Variants in SGCZ observed in about 807,000 individuals in gnomAD.
SGCZ encodes sarcoglycan zeta, also known as zeta-sarcoglycan.
A neutral mutation model predicts 41.3 loss-of-function variants in SGCZ; 40 were observed. The observed-to-expected ratio is 0.97, with a 90% CI of 0.75 to 1.26. SGCZ has a LOEUF of 1.26. Among genes scored for constraint, SGCZ ranks in the 50% most tolerant of loss-of-function variants. SGCZ has a pLI of 0.00. For missense variants in SGCZ, 552 were observed against 369.8 expected, an observed-to-expected ratio of 1.49 and a Z score of -4.04; for synonymous variants, 206 against 137.5, an observed-to-expected ratio of 1.50 and a Z score of -3.49.
chr8:14,511,597 T>A (rs1270416881), intron 2 of SGCZ, among the ~76,000 whole-genome samples: 1 of 152,128 alleles, frequency 6.6e-6, no homozygotes, highest in Non-Finnish European at 1.5e-5. Context: ...TTTTTGGATT[T>A]TATCCTATAT....
At position 14,164,713 on chromosome 8, in the gene SGCZ, A is replaced by G. The variant is rs368611134; in HGVS notation, c.425-11T>C. ...CCACAGCATCAGCTCCTATGGTCAG[A>G]GGAAAGGTTTAAAAATGAAACTGGT... On this transcript the variant is annotated splice_polypyrimidine_tract_variant and intron_variant, in intron 4 of 7. Transcript: ENST00000382080. The G allele has an allele frequency of 2.4e-5, 38 of 1,611,888 alleles. No homozygotes were observed. The highest frequency in any genetic ancestry group is 3.1e-5 in the Non-Finnish European group (37 of 1,179,170).
chr8:14,823,199 G>A (rs550232882), intron 1 of SGCZ, among the ~76,000 whole-genome samples: 2 of 151,414 alleles, frequency 1.3e-5, no homozygotes, highest in South Asian at 4.2e-4. Flanking sequence ...GACTTCAAAA[G>A]CACAGGTAAC....
intron 1 of SGCZ, among the ~76,000 whole-genome samples, chr8:14,746,035 T>C (rs1186523435): frequency 2.6e-5 from 4 of 152,174 alleles, no homozygotes; most frequent in Non-Finnish European, 5.9e-5. Context: ...CAATAAATTA[T>C]ACAGTAAAAG....
intron 1 of SGCZ, among the ~76,000 whole-genome samples, chr8:15,029,550 A>G (rs1281199239): frequency 6.6e-6 from 1 of 152,124 alleles, no homozygotes; most frequent in Non-Finnish European, 1.5e-5. Flanking sequence ...TAGTATGTTA[A>G]CTACAATTTT....
At chr8:14,647,006 C>T (rs545878660) in intron 1 of SGCZ, among the ~76,000 whole-genome samples, 1 of 152,040 alleles carries the variant, frequency 6.6e-6, no homozygotes, top group Non-Finnish European at 1.5e-5. Flanking sequence ...AGAGCTTCCT[C>T]ATGGTCCATA....
chr8:15,212,840 G>T (rs1801277389), intron 1 of SGCZ, among the ~76,000 whole-genome samples: 1 of 152,014 alleles, frequency 6.6e-6, no homozygotes, highest in African/African-American at 2.4e-5. Context: ...ATACTAAAAA[G>T]ACTTCAACAT....
chr8:14,811,382 C>G (rs1801732676), intron 1 of SGCZ, among the ~76,000 whole-genome samples: 1 of 151,824 alleles, frequency 6.6e-6, no homozygotes, highest in Admixed American at 6.6e-5. Flanking sequence ...AGTTAAAAAG[C>G]ATTGCTCTAC....
intron 1 of SGCZ, among the ~76,000 whole-genome samples, chr8:15,058,363 T>C (rs147832410): frequency 7.4e-4 from 112 of 152,252 alleles, no homozygotes; most frequent in African/African-American, 2.5e-3. Context: ...TGAATCACAT[T>C]CTTACATTTA....
chr8:14,762,735 A>G (rs949019911), intron 1 of SGCZ, among the ~76,000 whole-genome samples: 3 of 152,174 alleles, frequency 2.0e-5, no homozygotes, highest in African/African-American at 7.2e-5. Context: ...TGCTGGACAA[A>G]CAAGCATTCA....
intron 1 of SGCZ, among the ~76,000 whole-genome samples, chr8:14,812,381 C>T (rs904646532): frequency 1.3e-5 from 2 of 152,018 alleles, no homozygotes; most frequent in East Asian, 3.9e-4. Context: ...TGAATTGTTA[C>T]ATAAATCTGT....
At chr8:15,103,080 G>T (rs542091554) in intron 1 of SGCZ, among the ~76,000 whole-genome samples, 1 of 152,134 alleles carries the variant, frequency 6.6e-6, no homozygotes, top group Non-Finnish European at 1.5e-5. Context: ...CATAAGGAGA[G>T]ATCGAAGAGT....
chr8:14,750,448 C>G lies in SGCZ; in HGVS notation c.40-195522G>C, dbSNP rs893773584. 9.9e-5 allele frequency among the ~76,000 whole-genome samples: 15 copies of G among 152,166 alleles called. No homozygotes were observed. The South Asian group carries it at 3.1e-3, about 32-fold the overall frequency. Reference sequence around the variant, plus strand: ...GGACAATTTTTCCTCCCATTTCTGCCTTAATAGGTAGAAAAATCTAAGAGT... The same window carrying G: ...GGACAATTTTTCCTCCCATTTCTGCGTTAATAGGTAGAAAAATCTAAGAGT... On this transcript the variant is annotated intron_variant, in intron 1 of 7. Coordinates refer to ENST00000382080, the MANE Select transcript of SGCZ (RefSeq NM_139167.4).
intron 3 of SGCZ, among the ~76,000 whole-genome samples, chr8:14,306,201 A>C (rs1801348597): frequency 6.6e-6 from 1 of 152,222 alleles, no homozygotes; most frequent in Non-Finnish European, 1.5e-5. Flanking sequence ...CCATCATGAC[A>C]ACAAAAGTAG....
At chr8:15,186,385 T>G (rs889803393) in intron 1 of SGCZ, among the ~76,000 whole-genome samples, 1 of 151,652 alleles carries the variant, frequency 6.6e-6, no homozygotes, top group East Asian at 1.9e-4. Context: ...AGTCGGGTAT[T>G]AAGTACTTTT....
chr8:15,111,572 C>T (rs1807056008), intron 1 of SGCZ, among the ~76,000 whole-genome samples: 1 of 152,174 alleles, frequency 6.6e-6, no homozygotes, highest in Non-Finnish European at 1.5e-5. Context: ...CTCAGGGCCG[C>T]TCCCACCCTG....
intron 1 of SGCZ, chr8:14,690,573 G>C (rs905879470): frequency 6.6e-6 from 1 of 152,166 alleles, no homozygotes; most frequent in South Asian, 2.1e-4. Context: ...CACCATGAAA[G>C]CTTAGTCCAC....
chr8:14,898,165 G>C (rs1805273928), intron 1 of SGCZ, among the ~76,000 whole-genome samples: 1 of 151,624 alleles, frequency 6.6e-6, no homozygotes, highest in South Asian at 2.1e-4. Context: ...GCCCAGGCTG[G>C]TCTCAAACTC....
At chr8:14,264,302 A>T (rs1404165347) in intron 3 of SGCZ, among the ~76,000 whole-genome samples, 1 of 152,124 alleles carries the variant, frequency 6.6e-6, no homozygotes, top group African/African-American at 2.4e-5. Context: ...GTTGAAAGAA[A>T]ACATAGCCTT....
intron 4 of SGCZ, among the ~76,000 whole-genome samples, chr8:14,190,938 G>T (rs574205338): frequency 1.3e-5 from 2 of 152,156 alleles, no homozygotes; most frequent in East Asian, 3.9e-4. Flanking sequence ...TTCCACACTG[G>T]TTACATCAAT....
Sources: gnomAD v4.1 joint callset for allele counts (sites outside exome capture counted in the v4.1 genomes callset) on GRCh38, gnomAD v4.1.1 for gene constraint, MANE v1.5 for transcripts, NCBI Gene and HGNC (gene_info 2026-07-23, HGNC 2026-07-21) for gene names.